HTR2C: variants seen among roughly 807,000 people sequenced by gnomAD.
The protein encoded by HTR2C is 5-hydroxytryptamine receptor 2C, also known as 5-hydroxytryptamine (serotonin) receptor 2C, G protein-coupled.
In HTR2C, 5 loss-of-function variants were observed where a neutral mutation model predicts 21.0. The ratio of observed to expected loss-of-function variants is 0.24; its 90% confidence interval spans 0.12 to 0.50. HTR2C has a LOEUF of 0.50. Ranked by LOEUF, HTR2C falls within the 20% of genes least tolerant of loss-of-function variation. The probability of loss-of-function intolerance (pLI) is 0.98; values close to 1 mark genes in which losing one functional copy is unlikely to be tolerated. For missense variants in HTR2C, 271 were observed against 371.2 expected (o/e 0.73, Z 2.22); for synonymous variants, 150 against 145.3 (o/e 1.03, Z -0.23).
intron 3 of HTR2C, among the ~76,000 whole-genome samples, chrX:114,728,981 G>A (rs781871456): frequency 6.2e-5 from 7 of 112,035 alleles, no homozygotes; most frequent in Non-Finnish European, 1.1e-4. Flanking sequence ...AACTGAAGAC[G>A]CAGTTTAGTA....
At chrX:114,789,170 T>C (rs1556442855) in intron 4 of HTR2C, among the ~76,000 whole-genome samples, 1 of 112,088 alleles carries the variant, frequency 8.9e-6, no homozygotes, top group Non-Finnish European at 1.9e-5. Context: ...GGCGCAGGGA[T>C]AATTCTATAG....
intron 4 of HTR2C, among the ~76,000 whole-genome samples, chrX:114,798,939 A>G (rs1356117183): frequency 9.0e-6 from 1 of 110,633 alleles, no homozygotes; most frequent in Admixed American, 9.8e-5. Context: ...CCATAAGGTT[A>G]AACAGCCCAG....
chrX:114,834,299 G>A (rs1311725831), intron 4 of HTR2C, among the ~76,000 whole-genome samples: 8 of 106,934 alleles, frequency 7.5e-5, no homozygotes, highest in African/African-American at 2.7e-4. Context: ...TTGACAGTGG[G>A]GTGTTAAAGT....
At chrX:114,702,596 C>T (rs1358442981) in intron 2 of HTR2C, among the ~76,000 whole-genome samples, 3 of 111,637 alleles carry the variant, frequency 2.7e-5, no homozygotes, top group South Asian at 7.6e-4. Flanking sequence ...GTACCAGCCG[C>T]TGCAAAATCA....
intron 4 of HTR2C, among the ~76,000 whole-genome samples, chrX:114,786,894 G>A (rs1556442256): frequency 1.8e-5 from 2 of 109,247 alleles, no homozygotes; most frequent in Admixed American, 9.9e-5. Context: ...GGTGTTTTTT[G>A]TTTTGTTTTG....
chrX:114,795,401 G>T lies in HTR2C; in HGVS notation c.350-52602G>T, dbSNP rs782396482. 3.2e-3 allele frequency among the ~76,000 whole-genome samples: 359 copies of T among 110,835 alleles called. 1 individual carries two copies. The highest frequency in any genetic ancestry group is 0.011 in the African/African-American group (334 of 30,579). On this transcript the variant is annotated intron_variant, in intron 4 of 5. Coordinates refer to ENST00000276198, the MANE Select transcript of HTR2C (RefSeq NM_000868.4). ...CCATTTGTCAATTTTGGCTTTTGTTGCCATTGCTTTTGGTGTTTTAGACAT... is the reference window on the plus strand; with the variant it reads ...CCATTTGTCAATTTTGGCTTTTGTTTCCATTGCTTTTGGTGTTTTAGACAT...
At chrX:114,835,531 T>C (rs2070773335) in intron 4 of HTR2C, among the ~76,000 whole-genome samples, 1 of 110,587 alleles carries the variant, frequency 9.0e-6, no homozygotes, top group African/African-American at 3.3e-5. Flanking sequence ...TTCAGGTAGT[T>C]CTCGAGCCTT....
At chrX:114,656,852 C>A (rs1198242100) in intron 2 of HTR2C, among the ~76,000 whole-genome samples, 3 of 109,421 alleles carry the variant, frequency 2.7e-5, no homozygotes, top group Non-Finnish European at 3.8e-5. Flanking sequence ...CATTTCACTT[C>A]AATCTTAGCC....
rs781955822 is a variant in HTR2C at position 114,788,058 on chromosome X, G to C, written c.349+56451G>C. 3.6e-5 allele frequency among the ~76,000 whole-genome samples: 4 copies of C among 110,737 alleles called. No homozygotes were observed. The South Asian group carries it at 1.5e-3, about 42-fold the overall frequency. On this transcript the variant is annotated intron_variant, in intron 4 of 5. Coordinates refer to ENST00000276198, the MANE Select transcript of HTR2C (RefSeq NM_000868.4). ...AGGGTTTGAAGAATGAGAAAATCCT[G>C]TTAAAGTTCAGGGATAAGTCCTGTT...
intron 2 of HTR2C, among the ~76,000 whole-genome samples, chrX:114,699,646 G>A (rs1363746434): frequency 8.9e-6 from 1 of 111,933 alleles, no homozygotes; most frequent in Non-Finnish European, 1.9e-5. Flanking sequence ...GTAGGTTCAT[G>A]TGAGCTTTTC....
At chrX:114,852,056 T>C (rs1350882679) in intron 5 of HTR2C, among the ~76,000 whole-genome samples, 3 of 111,695 alleles carry the variant, frequency 2.7e-5, no homozygotes, top group Non-Finnish European at 5.6e-5. Flanking sequence ...TCAGAATTTC[T>C]ATACCCATAC....
intron 4 of HTR2C, chrX:114,775,547 A>G (rs2070048700): frequency 8.1e-6 from 4 of 494,139 alleles, no homozygotes; most frequent in Admixed American, 2.5e-5. Context: ...GGACAGGAGG[A>G]CAGTCATGAC....
At chrX:114,604,608 G>C (rs917120434) in intron 1 of HTR2C, among the ~76,000 whole-genome samples, 6 of 111,174 alleles carry the variant, frequency 5.4e-5, no homozygotes, top group African/African-American at 2.0e-4. Flanking sequence ...CAGTCAGAGA[G>C]CCTTGGGCCA....
Position 114,750,071 on chromosome X carries a change from T to C in HTR2C, c.349+18464T>C, listed in dbSNP as rs781896908. Among the ~76,000 whole-genome samples, 6 of 111,935 alleles carry C rather than the reference T, an allele frequency of 5.4e-5. No individual in the cohort carries two copies. In the East Asian group the frequency reaches 1.7e-3, roughly 32 times the overall value. On this transcript the variant is annotated intron_variant, in intron 4 of 5. Coordinates refer to ENST00000276198, the MANE Select transcript of HTR2C (RefSeq NM_000868.4). ...TCCTTGTGGCCGATTGGCATGTTTT[T>C]GTCTGAGTTGACGCATCTGTGTGTA...
intron 2 of HTR2C, among the ~76,000 whole-genome samples, chrX:114,621,025 C>T (rs782604229): frequency 7.2e-5 from 8 of 111,843 alleles, no homozygotes; most frequent in African/African-American, 1.6e-4. Flanking sequence ...GGACTACAGG[C>T]GTGCGCCACC....
intron 5 of HTR2C, among the ~76,000 whole-genome samples, chrX:114,865,588 G>T (rs1395827627): frequency 9.0e-6 from 1 of 111,256 alleles, no homozygotes; most frequent in Non-Finnish European, 1.9e-5. Flanking sequence ...GGTGTATAGA[G>T]ATCACCGTTT....
At position 114,863,931 on chromosome X, in the gene HTR2C, G is replaced by A. The variant is rs151049306; in HGVS notation, c.550+15728G>A. Among the ~76,000 whole-genome samples the A allele has an allele frequency of 9.6e-3, 1,059 of 110,675 alleles. 15 individuals are homozygous for A. Among genetic ancestry groups the A allele is most frequent in the African/African-American group, 0.033 (996 of 30,524 alleles). On this transcript the variant is annotated intron_variant, in intron 5 of 5. Transcript: ENST00000276198. ...CAAAAATTTTTAACTTGAAGTCTAC[G>A]TTACCAGATATAAGTATAGCCACCT...
intron 5 of HTR2C, among the ~76,000 whole-genome samples, chrX:114,854,082 C>T (rs2070940031): frequency 9.0e-6 from 1 of 110,956 alleles, no homozygotes; most frequent in South Asian, 3.8e-4. Context: ...AATTTTTTAG[C>T]TTTACCACAA....
chrX:114,647,077 G>C (rs1930389295), intron 2 of HTR2C, among the ~76,000 whole-genome samples: 1 of 111,158 alleles, frequency 9.0e-6, no homozygotes, highest in African/African-American at 3.3e-5. Context: ...AGGCCTGAGT[G>C]GGGAGGAAGG....
Sources: allele counts gnomAD v4.1 joint callset (sites outside exome capture counted in the v4.1 genomes callset), GRCh38; gene constraint gnomAD v4.1.1; transcripts MANE v1.5; gene names NCBI Gene and HGNC (gene_info 2026-07-23, HGNC 2026-07-21).